The following CNTN3 variants were observed in gnomAD, a reference collection of about 807,000 sequenced individuals.
CNTN3 encodes the protein contactin 3.
In CNTN3, 60 loss-of-function variants were observed where a neutral mutation model predicts 119.1. The ratio of observed to expected loss-of-function variants is 0.50; its 90% CI spans 0.41 to 0.62. The LOEUF is 0.62. Ranked by LOEUF, CNTN3 falls within the 20% of genes least tolerant of loss-of-function variation. The probability of loss-of-function intolerance (pLI) is 0.00; values close to 1 mark genes in which losing one functional copy is unlikely to be tolerated. For synonymous variants in CNTN3, 450 were observed against 438.7 expected (o/e 1.03, Z -0.32); for missense variants, 1,101 against 1,242.4 (o/e 0.89, Z 1.71).
intron 11 of CNTN3, among the ~76,000 whole-genome samples, chr3:74,348,295 C>T (rs1333952747): frequency 6.6e-6 from 1 of 152,076 alleles, no homozygotes; most frequent in Non-Finnish European, 1.5e-5. Context: ...CAAAATATTA[C>T]CTTCTGCTCC....
At chr3:74,476,125 A>ACTATAG (rs1298718645) in intron 4 of CNTN3, among the ~76,000 whole-genome samples, 1 of 152,182 alleles carries the variant, frequency 6.6e-6, no homozygotes, top group Non-Finnish European at 1.5e-5. Flanking sequence ...GAGGTTGGCC[A>ACTATAG]TGAGTTCAAT....
At position 74,548,956 on chromosome 3, in the gene CNTN3, T is replaced by C. The variant is rs539663542; in HGVS notation, c.-80-27764A>G. Among the ~76,000 whole-genome samples, 64 of 152,320 alleles carry C rather than the reference T, an allele frequency of 4.2e-4. 4 individuals are homozygous for C. In the South Asian group the frequency reaches 0.012, roughly 30 times the overall value. ...GTAACTCTTTCACCCATTGACATGA[T>C]ATACTCTCAAACAACCTAGGTAACA... is the stretch of plus-strand genomic sequence containing the variant. On this transcript the variant is annotated intron_variant, in intron 1 of 22. Transcript: ENST00000263665.
At position 74,613,061 on chromosome 3, in the gene CNTN3, A is replaced by C. The variant is rs546590075; in HGVS notation, c.-81+1330T>G. 2.7e-3 allele frequency among the ~76,000 whole-genome samples: 405 copies of C among 152,298 alleles called. 2 individuals carry two copies. Among genetic ancestry groups the C allele is most frequent in the African/African-American group, 9.4e-3 (390 of 41,550 alleles). The stretch of plus-strand genomic sequence containing the variant: ...GTTACTGTTAGTAAACACATCTAGC[A>C]AAGCAAAAGTAACACATTTGACTTG... On this transcript the variant is annotated intron_variant, in intron 1 of 22. Transcript: ENST00000263665.
At chr3:74,369,008 C>T (rs574679198) in intron 8 of CNTN3, among the ~76,000 whole-genome samples, 181 bp downstream of exon 8, 4 of 152,200 alleles carry the variant, frequency 2.6e-5, no homozygotes, top group South Asian at 2.1e-4. Context: ...AACTTCATTA[C>T]AAAAATTTAT....
rs563630623 is a variant in CNTN3, at chr3:74,336,705, T to C, written c.1365-47A>G. The C allele has an allele frequency of 2.7e-5, 40 of 1,464,790 alleles. No individual in the cohort carries two copies. In the Admixed American group the frequency reaches 2.8e-4, roughly 10 times the overall value. 90.7% of individuals were successfully genotyped at this position (1,464,790 alleles called of 1,614,324 possible). On this transcript the variant is annotated intron_variant, in intron 11 of 22. Transcript: ENST00000263665. ...TAAATAAATATATAATAGCCATTTT[T>C]TTTCCAAATGAATATACATATTTTT...
At chr3:74,484,272 A>C (rs903710434) in intron 4 of CNTN3, among the ~76,000 whole-genome samples, 1 of 152,166 alleles carries the variant, frequency 6.6e-6, no homozygotes, top group Non-Finnish European at 1.5e-5. Context: ...ATAAAAATAG[A>C]AACACCAAAT....
At chr3:74,272,069 T>TA (rs1701788126) in intron 20 of CNTN3, among the ~76,000 whole-genome samples, 1 of 152,192 alleles carries the variant, frequency 6.6e-6, no homozygotes, top group Non-Finnish European at 1.5e-5. Context: ...GCAGAACACT[T>TA]ACAATTGTCT....
intron 5 of CNTN3, among the ~76,000 whole-genome samples, chr3:74,420,332 A>T (rs1221934022): frequency 5.3e-5 from 8 of 152,208 alleles, no homozygotes; most frequent in Non-Finnish European, 1.2e-4. Flanking sequence ...AATTACATTG[A>T]TTAATTAAGG....
intron 4 of CNTN3, among the ~76,000 whole-genome samples, chr3:74,428,335 T>C (rs964139833): frequency 2.0e-5 from 3 of 151,576 alleles, no homozygotes; most frequent in Admixed American, 2.0e-4. Flanking sequence ...GAAGGAGGCA[T>C]TGTCATTATA....
chr3:74,584,442 G>A (rs1704562026), intron 1 of CNTN3, among the ~76,000 whole-genome samples: 1 of 152,066 alleles, frequency 6.6e-6, no homozygotes, highest in South Asian at 2.1e-4. Flanking sequence ...GAATGGTTTG[G>A]TGCCATTCTG....
At chr3:74,586,563 G>C (rs1704596332) in intron 1 of CNTN3, among the ~76,000 whole-genome samples, 1 of 152,062 alleles carries the variant, frequency 6.6e-6, no homozygotes, top group East Asian at 1.9e-4. Flanking sequence ...CTACAGAACT[G>C]TCTAGCTTTG....
intron 1 of CNTN3, among the ~76,000 whole-genome samples, chr3:74,567,087 A>G (rs1318807516): frequency 6.6e-6 from 1 of 152,046 alleles, no homozygotes; most frequent in Non-Finnish European, 1.5e-5. Flanking sequence ...CAGTCTGTAC[A>G]AGGGGCCACA....
chr3:74,505,527 CACAT>C (rs1357263777), intron 2 of CNTN3, among the ~76,000 whole-genome samples: 2 of 130,244 alleles, frequency 1.5e-5, no homozygotes, highest in Non-Finnish European at 3.4e-5. Flanking sequence ...ACACACACCA[CACAT>C]ACACACAATA....
At chr3:74,540,378 G>A (rs1324927631) in intron 1 of CNTN3, among the ~76,000 whole-genome samples, 1 of 151,956 alleles carries the variant, frequency 6.6e-6, no homozygotes, top group Non-Finnish European at 1.5e-5. Flanking sequence ...ACATTGATTT[G>A]GTTATAAACA....
At chr3:74,365,539 A>G (rs1326207375) in intron 9 of CNTN3, 27 bp downstream of exon 9, 1 of 1,612,762 alleles carries the variant, frequency 6.2e-7, no homozygotes, top group African/African-American at 1.3e-5. Context: ...AGGCCTCTAA[A>G]CCCATTTTAG....
intron 1 of CNTN3, among the ~76,000 whole-genome samples, chr3:74,522,240 G>A (rs937255800): frequency 1.3e-5 from 2 of 151,760 alleles, no homozygotes; most frequent in African/African-American, 4.8e-5. Context: ...ATATTCTTAG[G>A]TGCCTGCAAT....
At chr3:74,387,234 T>G (rs1268087239) in intron 5 of CNTN3, among the ~76,000 whole-genome samples, 2 of 152,170 alleles carry the variant, frequency 1.3e-5, no homozygotes, top group East Asian at 3.9e-4. Flanking sequence ...AATACTATTA[T>G]ATATTAAAAA....
intron 1 of CNTN3, among the ~76,000 whole-genome samples, chr3:74,549,940 A>T (rs1316677762): frequency 6.6e-6 from 1 of 152,144 alleles, no homozygotes; most frequent in African/African-American, 2.4e-5. Context: ...CATTTGAAAA[A>T]CAGCTCCTAG....
At chr3:74,311,835 C>T (rs749719400) in intron 13 of CNTN3, among the ~76,000 whole-genome samples, 14 of 152,192 alleles carry the variant, frequency 9.2e-5, no homozygotes, top group East Asian at 1.9e-4. Flanking sequence ...ATAGGACAAA[C>T]GGCTTCCCCT....
Sources: gnomAD v4.1 joint callset for allele counts (sites outside exome capture counted in the v4.1 genomes callset) on GRCh38, gnomAD v4.1.1 for gene constraint, MANE v1.5 for transcripts, NCBI Gene and HGNC (gene_info 2026-07-23, HGNC 2026-07-21) for gene names.